UBR1: variants seen among roughly 807,000 people sequenced by gnomAD.
The protein encoded by UBR1 is E3 ubiquitin-protein ligase UBR1.
Under a neutral mutation model 242.1 loss-of-function variants are expected in UBR1, and 102 were observed. The ratio of observed to expected loss-of-function variants is 0.42; its 90% CI spans 0.36 to 0.50. UBR1 has a LOEUF of 0.50. Ranked by LOEUF, UBR1 falls within the 20% of genes least tolerant of loss-of-function variation. The probability of loss-of-function intolerance (pLI) is 0.01; values close to 1 mark genes in which losing one functional copy is unlikely to be tolerated. For synonymous variants in UBR1, 675 were observed against 684.8 expected (o/e 0.99, Z 0.22); for missense variants, 1,772 against 2,101.8 (o/e 0.84, Z 3.07).
At chr15:43,001,918 T>G (rs1204694243) in intron 32 of UBR1, among the ~76,000 whole-genome samples, 1 of 152,206 alleles carries the variant, frequency 6.6e-6, no homozygotes, top group Non-Finnish European at 1.5e-5. Context: ...AACTGGCAAC[T>G]CTAATGATGG....
intron 37 of UBR1, among the ~76,000 whole-genome samples, chr15:42,978,586 A>G (rs1050093969): frequency 6.6e-6 from 1 of 152,244 alleles, no homozygotes; most frequent in Non-Finnish European, 1.5e-5. Flanking sequence ...TTTTGTTTAT[A>G]TAAAAATGAA....
chr15:43,024,717 T>C, intron 25 of UBR1, 112 bp downstream of exon 25: 1 of 1,464,628 alleles, frequency 6.8e-7, no homozygotes, highest in Non-Finnish European at 9.5e-7. Context: ...TAATGACCCC[T>C]ATGTTTCCGG....
chr15:42,979,209 C>CTTTTTTTT (rs533735378), intron 37 of UBR1, among the ~76,000 whole-genome samples: 2 of 138,498 alleles, frequency 1.4e-5, no homozygotes, highest in African/African-American at 2.6e-5. Context: ...TTCTTTTTTT[C>CTTTTTTTT]TTTTTTTTTT....
In UBR1 at chr15:43,057,959, G is replaced by C. The variant is rs77482960; in HGVS notation, c.1182+382C>G. ...GAGTCTCACTCTGTTGCCCAGACTA[G>C]AGGGCAGTGGCGCGATCTTGGCTCA... On this transcript the variant is annotated intron_variant, in intron 10 of 46. Transcript: ENST00000290650. Among the ~76,000 whole-genome samples, 3 of 150,534 alleles carry C rather than the reference G, an allele frequency of 2.0e-5. No individual in the cohort carries two copies. The East Asian group carries it at 5.9e-4, about 29-fold the overall frequency.
At chr15:43,092,328 T>C (rs2034114653) in intron 1 of UBR1, among the ~76,000 whole-genome samples, 1 of 152,216 alleles carries the variant, frequency 6.6e-6, no homozygotes, top group Non-Finnish European at 1.5e-5. Flanking sequence ...TCTGTACTTA[T>C]ACCACTGGCT....
chr15:43,077,964 C>T (rs969049480), intron 3 of UBR1, among the ~76,000 whole-genome samples: 1 of 152,034 alleles, frequency 6.6e-6, no homozygotes, highest in Non-Finnish European at 1.5e-5. Context: ...ACTAGGAGAA[C>T]AACAAAAAAA....
chr15:43,101,077 A>T (rs2034228688), intron 1 of UBR1, among the ~76,000 whole-genome samples: 1 of 152,222 alleles, frequency 6.6e-6, no homozygotes, highest in Non-Finnish European at 1.5e-5. Context: ...GGAAAAGCAA[A>T]CAGCAAGCAA....
chr15:43,052,365 T>A (rs1385378021), intron 12 of UBR1, among the ~76,000 whole-genome samples: 1 of 152,182 alleles, frequency 6.6e-6, no homozygotes, highest in East Asian at 1.9e-4. Context: ...AAGAGAGAAC[T>A]AGAACCAGAA....
chr15:42,950,324 G>A lies in UBR1; in HGVS notation c.5046C>T (p.Ala1682=). Residue 1682 remains alanine (A), a synonymous_variant, in exon 46 of 47, where the codon GCC becomes GCT. Coordinates refer to ENST00000290650, the MANE Select transcript of UBR1 (RefSeq NM_174916.3). ...AAGGAGCTGGATAGGCACAGCCTCTGGCTTTACCTTCAACCAGGACCACTC... is the reference window on the plus strand; with the variant it reads ...AAGGAGCTGGATAGGCACAGCCTCTAGCTTTACCTTCAACCAGGACCACTC... ...ECRVVLVEGK[A]RGCAYPAPYL... 6.2e-7 allele frequency: 1 copy of A among 1,614,156 alleles called. No homozygotes were observed. The highest frequency in any genetic ancestry group is 8.5e-7 in the Non-Finnish European group (1 of 1,180,026).
rs1335908378 is a variant in UBR1 at position 42,952,338 on chromosome 15, T to C, written c.4946A>G (p.Glu1649Gly). The part of the protein sequence containing the change: ...ICCQEIVNGE[E>G]VGACIFHALH... The stretch of plus-strand genomic sequence containing the variant: ...TGCGTGAAAAATGCAAGCTCCAACC[T>C]CTTCCCCGTTCACAATTTCCTGGCA... Residue 1649 changes from glutamate to glycine, a missense_variant, in exon 45 of 47, where the codon GAG becomes GGG. Glu to Gly is a moderately conservative substitution (Grantham distance 98). Transcript: ENST00000290650. 5.0e-6 allele frequency: 8 copies of C among 1,614,144 alleles called. No individual in the cohort carries two copies. The South Asian group carries it at 7.7e-5, about 16-fold the overall frequency.
At chr15:43,080,075 C>G (rs2033958063) in intron 3 of UBR1, among the ~76,000 whole-genome samples, 1 of 152,110 alleles carries the variant, frequency 6.6e-6, no homozygotes, top group Non-Finnish European at 1.5e-5. Flanking sequence ...AGGAACCAAA[C>G]AATAAATATT....
At chr15:42,977,762 A>G in intron 38 of UBR1, 118 bp downstream of exon 38, 1 of 919,238 alleles carries the variant, frequency 1.1e-6, no homozygotes, top group Non-Finnish European at 1.7e-6. Context: ...GGAGAGACCA[A>G]ACTTTATAGA....
At chr15:43,063,318 C>A (rs1470526746) in intron 6 of UBR1, among the ~76,000 whole-genome samples, 1 of 152,206 alleles carries the variant, frequency 6.6e-6, no homozygotes, top group South Asian at 2.1e-4. Context: ...TGAAAACCGA[C>A]AAAGCACAGC....
intron 5 of UBR1, among the ~76,000 whole-genome samples, chr15:43,069,281 A>AT (rs772816969): frequency 0.017 from 2,368 of 142,768 alleles, 19 homozygotes; most frequent in African/African-American, 0.02. Flanking sequence ...TGTGTTCAGT[A>AT]TTTTTTTTTT....
At position 43,032,649 on chromosome 15, in the gene UBR1, A is replaced by G. The variant is rs772190024; in HGVS notation, c.2191-18T>C. The stretch of plus-strand genomic sequence containing the variant: ...ATCAAATCCTATAGAATCGAAAAAG[A>G]GTAAATTAGTTATGGAAGAACCAAA... On this transcript the variant is annotated intron_variant, in intron 19 of 46. Transcript: ENST00000290650. 1.4e-6 allele frequency: 2 copies of G among 1,452,770 alleles called. No individual in the cohort carries two copies. The highest frequency in any genetic ancestry group is 2.3e-5 in the South Asian group (2 of 85,372). The allele number at this position is 1,452,770 out of a possible 1,614,324, so 90.0% of individuals were successfully genotyped here. A position where few individuals can be genotyped will look rare whatever the true frequency, so the allele number is the denominator to read the frequency against.
At chr15:43,025,294 C>A in intron 24 of UBR1, 87 bp downstream of exon 24, 1 of 1,376,590 alleles carries the variant, frequency 7.3e-7, no homozygotes. Flanking sequence ...CTCTCAAAAA[C>A]CAACAACAAC....
In UBR1 at chr15:42,950,264, C is replaced by T. The variant is rs768747638; in HGVS notation, c.5106G>A (p.Leu1702=). 25 of 1,613,906 alleles carry T rather than the reference C, an allele frequency of 1.5e-5. No homozygotes were observed. In the South Asian group the frequency reaches 2.6e-4, roughly 17 times the overall value. The change falls in exon 46 of 47, where the codon CTG becomes CTA. Residue 1702 remains leucine, a splice_region_variant and synonymous_variant. Coordinates refer to ENST00000290650, the MANE Select transcript of UBR1 (RefSeq NM_174916.3). ...LDEYGETDPG[L]KRGNPLHLSR... is the part of the protein sequence containing the mutation. ...CTATTATATAAAAAAAATCTTACTTCAGGCCAGGGTCTGTTTCTCCATATT... is the reference window on the plus strand; with the variant it reads ...CTATTATATAAAAAAAATCTTACTTTAGGCCAGGGTCTGTTTCTCCATATT...
At chr15:43,082,539 CAG>C in intron 3 of UBR1, 97 bp downstream of exon 3, 1 of 894,112 alleles carries the variant, frequency 1.1e-6, no homozygotes. Context: ...GTTCACATAT[CAG>C]AGCTGTTATA....
At chr15:42,960,501 T>G in intron 43 of UBR1, 144 bp downstream of exon 43, 1 of 834,348 alleles carries the variant, frequency 1.2e-6, no homozygotes, top group Non-Finnish European at 2.0e-6. Flanking sequence ...AGAATCTGAT[T>G]TCTGGCAAAG....
Sources: gnomAD v4.1 joint callset for allele counts (sites outside exome capture counted in the v4.1 genomes callset) on GRCh38, gnomAD v4.1.1 for gene constraint, MANE v1.5 for transcripts, NCBI Gene and HGNC (gene_info 2026-07-23, HGNC 2026-07-21) for gene names.